The following DTX3 variants were observed in gnomAD, a reference collection of about 807,000 sequenced individuals.
DTX3 encodes E3 ubiquitin-protein ligase DTX3.
In DTX3, 10 loss-of-function variants were observed where a neutral mutation model predicts 27.4. The observed-to-expected ratio is 0.36, with a 90% CI of 0.22 to 0.62. DTX3 has a LOEUF of 0.62. Ranked by LOEUF, DTX3 falls within the 20% of genes least tolerant of loss-of-function variation. DTX3 has a pLI of 0.68. For synonymous variants in DTX3, 171 were observed against 190.7 expected (o/e 0.90, Z 0.85); for missense variants, 319 against 463.8 (o/e 0.69, Z 2.87).
Position 57,607,673 on chromosome 12 carries a change from A to C in DTX3, c.750+60A>C. 6.2e-7 allele frequency: 1 copy of C among 1,606,650 alleles called. No individual in the cohort carries two copies. Among genetic ancestry groups the C allele is most frequent in the South Asian group, 1.1e-5 (1 of 90,778 alleles). On this transcript the variant is annotated intron_variant, in intron 5 of 6. Transcript: ENST00000337737. This position sits in a 1 kb window ranked among gnomAD's most constrained non-coding sequence, Gnocchi z 7.7. ...TTTCCCCAAGCTCTGACCTAGGAAA[A>C]CCGGGTGAGGGTGAGTGTGCTTGTT...
chr12:57,606,653 T>C (rs1405137538), intron 4 of DTX3, 135 bp downstream of exon 4: 1 of 1,396,090 alleles, frequency 7.2e-7, no homozygotes, highest in African/African-American at 1.4e-5. Flanking sequence ...TTGGCTTAGA[T>C]GATAATATAG....
chr12:57,606,668 G>A, intron 4 of DTX3, 150 bp downstream of exon 4: 2 of 1,358,328 alleles, frequency 1.5e-6, no homozygotes, highest in East Asian at 2.3e-5. Flanking sequence ...ATATAGCTCT[G>A]GAAACTTTTT....
Position 57,609,158 on chromosome 12 carries a change from A to C in DTX3, c.*6A>C. The stretch of plus-strand genomic sequence containing the variant: ...AGGGTATCACAGATGACTGAAGGAC[A>C]TCGCCTTTGCCAAGGCCCCTGCTGT... On this transcript the variant is annotated 3_prime_UTR_variant, in exon 7 of 7. Coordinates refer to ENST00000337737, the MANE Select transcript of DTX3 (RefSeq NM_178502.4). 1 of 1,614,096 alleles carries C rather than the reference A, an allele frequency of 6.2e-7. No individual in the cohort carries two copies. Among genetic ancestry groups the C allele is most frequent in the Non-Finnish European group, 8.5e-7 (1 of 1,179,972 alleles).
At position 57,607,611 on chromosome 12, in the gene DTX3, G is replaced by A; in HGVS notation, c.748G>A (p.Gly250Arg). The part of the protein sequence containing the change: ...IQYVFPPGVQ[G>R]AEHPNPGVRY... Reference sequence around the variant, plus strand: ...GTACGTCTTCCCGCCCGGTGTCCAGGGGGTAAGAAGACCATGGCCTGCCCT... The same window carrying A: ...GTACGTCTTCCCGCCCGGTGTCCAGAGGGTAAGAAGACCATGGCCTGCCCT... Residue 250 changes from glycine to arginine, a missense_variant and splice_region_variant, in exon 5 of 7, where the codon GGG (glycine) becomes AGG (arginine). Gly to Arg is a moderately radical substitution (Grantham distance 125, BLOSUM62 -2). This residue lies in a region of DTX3 where 117 missense variants were observed against 258.5 expected (regional missense o/e 0.45). Coordinates refer to ENST00000337737, the MANE Select transcript of DTX3 (RefSeq NM_178502.4). This position sits in a 1 kb window ranked among gnomAD's most constrained non-coding sequence, Gnocchi z 7.7. 1 of 1,614,074 alleles carries A rather than the reference G, an allele frequency of 6.2e-7. No individual in the cohort carries two copies. Among genetic ancestry groups the A allele is most frequent in the Non-Finnish European group, 8.5e-7 (1 of 1,180,010 alleles).
Position 57,608,660 on chromosome 12 carries a change from C to T in DTX3, c.891C>T (p.Ser297=), listed in dbSNP as rs764553710. 1.2e-6 allele frequency: 2 copies of T among 1,614,220 alleles called. No homozygotes were observed. The highest frequency in any genetic ancestry group is 1.7e-5 in the Admixed American group (1 of 60,026). Residue 297 remains serine (S), a synonymous_variant, in exon 6 of 7, where the codon TCC becomes TCT. Coordinates refer to ENST00000337737, the MANE Select transcript of DTX3 (RefSeq NM_178502.4). This position sits in a 1 kb window ranked among gnomAD's most constrained non-coding sequence, Gnocchi z 6.1. ...DQRLTFTIGT[S]MTTGRPNVIT... ...GTCTCACCTTCACTATCGGCACGTC[C>T]ATGACCACAGGGAGACCGAATGTCA...
In DTX3 at chr12:57,608,919, A is replaced by C. The variant is rs145039281; in HGVS notation, c.969-158A>C. 3.5e-4 allele frequency: 376 copies of C among 1,069,088 alleles called. 1 individual carries two copies. Among genetic ancestry groups the C allele is most frequent in the Admixed American group, 2.4e-3 (120 of 50,260 alleles). 66.2% of individuals were successfully genotyped at this position (1,069,088 alleles called of 1,614,324 possible). ...CTGGTGTGCCCAGCTTAGCCTACAA[A>C]AATAAGCAGAACTGGGCTAAATTAT... On this transcript the variant is annotated intron_variant, in intron 6 of 6. Transcript: ENST00000337737. The surrounding 1 kb of genome is among the most constrained non-coding windows in gnomAD (Gnocchi z 6.1).
Position 57,606,225 on chromosome 12 carries a change from C to T in DTX3, c.-103C>T. 2.3e-6 allele frequency: 1 copy of T among 433,602 alleles called. No individual in the cohort carries two copies. The highest frequency in any genetic ancestry group is 3.7e-5 in the South Asian group (1 of 26,884). The allele number at this position is 433,602 out of a possible 1,614,324, so 26.9% of individuals were successfully genotyped here. ...CTGAGTGGAAATAGAAGGATTTCTG[C>T]TGCCATCATCTTCCATGGGCTTTCC... On this transcript the variant is annotated 5_prime_UTR_variant, in exon 3 of 7. Coordinates refer to ENST00000337737, the MANE Select transcript of DTX3 (RefSeq NM_178502.4).
At position 57,608,744 on chromosome 12, in the gene DTX3, C is replaced by A. The variant is rs749169543; in HGVS notation, c.968+7C>A. ...GCACAGGGGGACCCCAGCTGTGCGACCCCTCTTCATTTCCTTTCCCTTGGC... is the reference window on the plus strand; with the variant it reads ...GCACAGGGGGACCCCAGCTGTGCGAACCCTCTTCATTTCCTTTCCCTTGGC... On this transcript the variant is annotated splice_region_variant and intron_variant, in intron 6 of 6. Coordinates refer to ENST00000337737, the MANE Select transcript of DTX3 (RefSeq NM_178502.4). This position sits in a 1 kb window ranked among gnomAD's most constrained non-coding sequence, Gnocchi z 6.1. 1.9e-6 allele frequency: 3 copies of A among 1,613,804 alleles called. No individual in the cohort carries two copies. In the South Asian group the frequency reaches 3.3e-5, roughly 18 times the overall value.
intron 1 of DTX3, 73 bp downstream of exon 1, chr12:57,604,931 C>T (rs1174443849): frequency 6.6e-6 from 1 of 151,792 alleles, no homozygotes; most frequent in Non-Finnish European, 1.5e-5. Context: ...ACGCGCCCCC[C>T]GCTCCCCCGG....
chr12:57,605,234 T>A (rs1304086768), intron 1 of DTX3: 1 of 152,362 alleles, frequency 6.6e-6, no homozygotes, highest in Non-Finnish European at 1.5e-5. Context: ...TGCCTCCCTC[T>A]GGCCTCTGTC....
In DTX3 at chr12:57,607,307, T is replaced by A; in HGVS notation, c.444T>A (p.Pro148=). 1.3e-6 allele frequency: 1 copy of A among 785,820 alleles called. No individual in the cohort carries two copies. Among genetic ancestry groups the A allele is most frequent in the Non-Finnish European group, 1.7e-6 (1 of 591,654 alleles). 48.7% of individuals were successfully genotyped at this position (785,820 alleles called of 1,614,324 possible). ...LPPPPPPLPP[P]LPPRLREEAE... ...CTCCTCCTCCCCCCCTGCCCCCACC[T>A]CTTCCTCCTCGCCTTCGGGAGGAGG... Residue 148 remains proline (P), a synonymous_variant, in exon 5 of 7, where the codon CCT becomes CCA. Transcript: ENST00000337737. This position sits in a 1 kb window ranked among gnomAD's most constrained non-coding sequence, Gnocchi z 7.7.
chr12:57,607,228 C>T lies in DTX3; in HGVS notation c.365C>T (p.Pro122Leu), dbSNP rs757464764. The T allele has an allele frequency of 1.2e-6, 2 of 1,607,770 alleles. No individual in the cohort carries two copies. Among genetic ancestry groups the T allele is most frequent in the African/African-American group, 1.3e-5 (1 of 74,924 alleles). Residue 122 changes from proline to leucine, a missense_variant, in exon 5 of 7, where the codon CCA becomes CTA. Transcript: ENST00000337737. This position sits in a 1 kb window ranked among gnomAD's most constrained non-coding sequence, Gnocchi z 7.7. ...CACCCTGAGATGCACCGCGCAGGCC[C>T]ACCCCCTCTCCGAGCAGCCCCACTT... ...GEHPEMHRAG[P>L]PPLRAAPLLP... is the part of the protein sequence containing the mutation.
Position 57,607,372 on chromosome 12 carries a change from A to T in DTX3, c.509A>T (p.Glu170Val). 1 of 1,551,914 alleles carries T rather than the reference A, an allele frequency of 6.4e-7. No homozygotes were observed. The highest frequency in any genetic ancestry group is 8.7e-7 in the Non-Finnish European group (1 of 1,143,500). ...QESTCPICLG[E>V]IQNAKTLEKC... The stretch of plus-strand genomic sequence containing the variant: ...AGCACCTGCCCCATCTGTCTGGGGG[A>T]GATCCAGAATGCCAAGACATTGGAG... The change falls in exon 5 of 7, where the codon GAG becomes GTG. Residue 170 changes from glutamate to valine, a missense_variant. Physicochemically the swap from Glu to Val is moderately radical, Grantham distance 121. Transcript: ENST00000337737. This position sits in a 1 kb window ranked among gnomAD's most constrained non-coding sequence, Gnocchi z 7.7.
At position 57,607,516 on chromosome 12, in the gene DTX3, G is replaced by T; in HGVS notation, c.653G>T (p.Arg218Leu). 6.2e-7 allele frequency: 1 copy of T among 1,614,210 alleles called. No individual in the cohort carries two copies. The highest frequency in any genetic ancestry group is 1.3e-5 in the African/African-American group (1 of 75,052). Residue 218 changes from arginine (R) to leucine (L), a missense_variant, in exon 5 of 7, where the codon CGG becomes CTG. This residue lies in a region of DTX3 where 117 missense variants were observed against 258.5 expected (regional missense o/e 0.45). Transcript: ENST00000337737. The surrounding 1 kb of genome is among the most constrained non-coding windows in gnomAD (Gnocchi z 7.7). Reference protein sequence around the residue: ...QLVGNQPQNGRMLVSKDATLL... With the variant: ...QLVGNQPQNGLMLVSKDATLL... ...GTGGGCAACCAGCCCCAGAATGGGC[G>T]GATGCTGGTCTCTAAGGACGCCACC...
In DTX3 at chr12:57,608,678, G is replaced by A. The variant is rs751236703; in HGVS notation, c.909G>A (p.Pro303=). 16 of 1,614,024 alleles carry A rather than the reference G, an allele frequency of 9.9e-6. No individual in the cohort carries two copies. Among genetic ancestry groups the A allele is most frequent in the African/African-American group, 9.3e-5 (7 of 74,906 alleles). The part of the protein sequence containing the change: ...TIGTSMTTGR[P]NVITWNDIHH... ...GCACGTCCATGACCACAGGGAGACCGAATGTCATCACCTGGAACGACATCC... is the reference window on the plus strand; with the variant it reads ...GCACGTCCATGACCACAGGGAGACCAAATGTCATCACCTGGAACGACATCC... The change falls in exon 6 of 7, where the codon CCG becomes CCA. Residue 303 remains proline (P), a synonymous_variant. Coordinates refer to ENST00000337737, the MANE Select transcript of DTX3 (RefSeq NM_178502.4). The surrounding 1 kb of genome is among the most constrained non-coding windows in gnomAD (Gnocchi z 6.1).
In DTX3 at chr12:57,607,652, C is replaced by T. The variant is rs749987786; in HGVS notation, c.750+39C>T. The stretch of plus-strand genomic sequence containing the variant: ...GGCCTGCCCTTACCCTTTGGCTTTC[C>T]CCAAGCTCTGACCTAGGAAAACCGG... On this transcript the variant is annotated intron_variant, in intron 5 of 6. Coordinates refer to ENST00000337737, the MANE Select transcript of DTX3 (RefSeq NM_178502.4). The surrounding 1 kb of genome is among the most constrained non-coding windows in gnomAD (Gnocchi z 7.7). The T allele has an allele frequency of 6.2e-7, 1 of 1,613,346 alleles. No individual in the cohort carries two copies. Among genetic ancestry groups the T allele is most frequent in the Admixed American group, 1.7e-5 (1 of 59,962 alleles).
Position 57,607,757 on chromosome 12 carries a change from A to C in DTX3, c.750+144A>C. On this transcript the variant is annotated intron_variant, in intron 5 of 6. Transcript: ENST00000337737. The surrounding 1 kb of genome is among the most constrained non-coding windows in gnomAD (Gnocchi z 7.7). ...CCCTCCTACTCAGTGCCCTGGACCTAGGAGGTCCCCGTGAGGCCCAGCCTT... is the reference window on the plus strand; with the variant it reads ...CCCTCCTACTCAGTGCCCTGGACCTCGGAGGTCCCCGTGAGGCCCAGCCTT... The C allele has an allele frequency of 4.6e-6, 5 of 1,087,884 alleles. No individual in the cohort carries two copies. The highest frequency in any genetic ancestry group is 1.5e-5 in the South Asian group (1 of 65,142). The allele number at this position is 1,087,884 out of a possible 1,614,324, so 67.4% of individuals were successfully genotyped here. A position where few individuals can be genotyped will look rare whatever the true frequency, so the allele number is the denominator to read the frequency against.
Position 57,608,608 on chromosome 12 carries a change from C to A in DTX3, c.839C>A (p.Thr280Asn). 13 of 1,614,198 alleles carry A rather than the reference C, an allele frequency of 8.1e-6. No individual in the cohort carries two copies. The highest frequency in any genetic ancestry group is 1.1e-5 in the Non-Finnish European group (13 of 1,180,016). Residue 280 changes from threonine to asparagine, a missense_variant, in exon 6 of 7, where the codon ACC becomes AAC. Thr to Asn is a moderately conservative substitution (Grantham distance 65, BLOSUM62 0). This residue lies in a region of DTX3 where 117 missense variants were observed against 258.5 expected (regional missense o/e 0.45). Transcript: ENST00000337737. This position sits in a 1 kb window ranked among gnomAD's most constrained non-coding sequence, Gnocchi z 6.1. ...PDCPEGNKVL[T>N]LFRKAFDQRL... is the part of the protein sequence containing the mutation. ...TGCCCTGAGGGCAACAAGGTGCTGA[C>A]CCTGTTCCGCAAGGCGTTTGACCAG...
chr12:57,607,232 C>T lies in DTX3; in HGVS notation c.369C>T (p.Pro123=), dbSNP rs199581561. Residue 123 remains proline, a synonymous_variant, in exon 5 of 7, where the codon CCC becomes CCT. Transcript: ENST00000337737. The surrounding 1 kb of genome is among the most constrained non-coding windows in gnomAD (Gnocchi z 7.7). ...CTGAGATGCACCGCGCAGGCCCACC[C>T]CCTCTCCGAGCAGCCCCACTTCTGC... ...EHPEMHRAGP[P]PLRAAPLLPP... 67 of 1,606,622 alleles carry T rather than the reference C, an allele frequency of 4.2e-5. No homozygotes were observed. In the Admixed American group the frequency reaches 6.5e-4, roughly 16 times the overall value.
Sources: gnomAD v4.1 joint callset for allele counts on GRCh38, gnomAD v4.1.1 for gene constraint, gnomAD v4.1.1 regional missense constraint, Gnocchi (gnomAD v3.1) non-coding constraint, MANE v1.5 for transcripts, NCBI Gene and HGNC (gene_info 2026-07-23, HGNC 2026-07-21) for gene names.